The following SYNJ1 variants were observed in gnomAD, a reference collection of about 807,000 sequenced individuals.
SYNJ1 encodes synaptojanin 1.
SYNJ1 carries 78 observed loss-of-function variants against 168.2 expected under a neutral mutation model. The observed-to-expected ratio is 0.46, with a 90% CI of 0.39 to 0.56. The LOEUF is 0.56. Among genes scored for constraint, SYNJ1 ranks in the 20% least tolerant of loss-of-function variants. The pLI is 0.00. For missense variants in SYNJ1, 1,303 were observed against 1,597.6 expected (o/e 0.82, Z 3.14); for synonymous variants, 539 against 548.6 (o/e 0.98, Z 0.24).
intron 9 of SYNJ1, 130 bp from the exon 10 acceptor site, chr21:32,684,249 T>G (rs530875581): frequency 1.3e-6 from 1 of 761,360 alleles, no homozygotes; most frequent in African/African-American, 1.8e-5. Flanking sequence ...AGTATTCAAA[T>G]ATACAAAAAA....
intron 2 of SYNJ1, among the ~76,000 whole-genome samples, chr21:32,712,367 A>G (rs1252579681): frequency 1.3e-5 from 2 of 152,216 alleles, no homozygotes; most frequent in Non-Finnish European, 2.9e-5. Flanking sequence ...TCATTCATCC[A>G]AGATCACATA....
Position 32,666,589 on chromosome 21 carries a change from A to C in SYNJ1, c.1812-16T>G, listed in dbSNP as rs1165805994. 6.3e-6 allele frequency: 10 copies of C among 1,598,842 alleles called. No homozygotes were observed. ...ATTTGTTGTGCTACAAGAAAATATT[A>C]AAAAGAGAATTTTTTAAAAAGGTAT... On this transcript the variant is annotated splice_polypyrimidine_tract_variant and intron_variant, in intron 15 of 32. Coordinates refer to ENST00000674351, the MANE Select transcript of SYNJ1 (RefSeq NM_203446.3).
chr21:32,681,366 A>G (rs1423983256), intron 11 of SYNJ1, 130 bp downstream of exon 11: 1 of 1,055,790 alleles, frequency 9.5e-7, no homozygotes, highest in South Asian at 2.1e-5. Flanking sequence ...GCATAAAAGC[A>G]CATTAAACAG....
At chr21:32,691,290 T>C (rs975074782) in intron 6 of SYNJ1, among the ~76,000 whole-genome samples, 3 of 152,194 alleles carry the variant, frequency 2.0e-5, no homozygotes, top group Admixed American at 6.5e-5. Context: ...AGCACCTCGC[T>C]CTTATCTTTC....
In SYNJ1 at chr21:32,662,941, C is replaced by T. The variant is rs143521352; in HGVS notation, c.2304+1972G>A. ...AATCAATGGGGCTGGACTGGATCCT[C>T]GAGTAAATATCTTAGTTCGAGGAGA... On this transcript the variant is annotated intron_variant, in intron 18 of 32. Transcript: ENST00000674351. Among the ~76,000 whole-genome samples, 379 of 152,242 alleles carry T rather than the reference C, an allele frequency of 2.5e-3. 1 individual carries two copies. Among genetic ancestry groups the T allele is most frequent in the African/African-American group, 8.8e-3 (367 of 41,542 alleles).
chr21:32,703,731 ATT>A (rs1234957308), intron 2 of SYNJ1, among the ~76,000 whole-genome samples: 4 of 151,806 alleles, frequency 2.6e-5, no homozygotes, highest in African/African-American at 9.7e-5. Flanking sequence ...TTTTATTTTT[ATT>A]TTTATTTTTT....
intron 22 of SYNJ1, among the ~76,000 whole-genome samples, chr21:32,652,274 C>T (rs1021691741): frequency 5.3e-5 from 8 of 151,480 alleles, no homozygotes; most frequent in Non-Finnish European, 1.2e-4. Flanking sequence ...AATCTCGGCT[C>T]GCTGCAACCT....
At chr21:32,702,721 C>T (rs2042451517) in intron 2 of SYNJ1, among the ~76,000 whole-genome samples, 1 of 152,210 alleles carries the variant, frequency 6.6e-6, no homozygotes, top group Non-Finnish European at 1.5e-5. Flanking sequence ...ACCTTCCTTT[C>T]CTTCCAGGTT....
chr21:32,668,357 C>A (rs907400924), intron 15 of SYNJ1, among the ~76,000 whole-genome samples: 5 of 152,134 alleles, frequency 3.3e-5, no homozygotes, highest in African/African-American at 1.2e-4. Flanking sequence ...CATGAGCCAC[C>A]ACACCCAGCC....
At chr21:32,633,116 T>A (rs572293627) in intron 32 of SYNJ1, among the ~76,000 whole-genome samples, 3 of 152,212 alleles carry the variant, frequency 2.0e-5, no homozygotes, top group Non-Finnish European at 4.4e-5. Flanking sequence ...ACACTATTAG[T>A]AACCAAATGC....
In SYNJ1 at chr21:32,628,950, G is replaced by C. The variant is rs1046111849; in HGVS notation, c.*2855C>G. On this transcript the variant is annotated 3_prime_UTR_variant, in exon 33 of 33. Coordinates refer to ENST00000674351, the MANE Select transcript of SYNJ1 (RefSeq NM_203446.3). ...ATATAGAGAACACAGAGTTCACAAA[G>C]AGATCCTTAGTGTCTAACTTCTGCT... 6.6e-6 allele frequency: 1 copy of C among 152,600 alleles called. No individual in the cohort carries two copies. The highest frequency in any genetic ancestry group is 6.5e-5 in the Admixed American group (1 of 15,278). The allele number at this position is 152,600 out of a possible 1,614,324, so 9.5% of individuals were successfully genotyped here.
At chr21:32,665,137 T>C in intron 17 of SYNJ1, 66 bp from the exon 18 acceptor site, 1 of 1,476,982 alleles carries the variant, frequency 6.8e-7, no homozygotes, top group South Asian at 1.3e-5. Context: ...TTACAACTAT[T>C]TCTTTGCCTG....
At chr21:32,715,646 T>C in intron 2 of SYNJ1, among the ~76,000 whole-genome samples, 1 of 152,278 alleles carries the variant, frequency 6.6e-6, no homozygotes, top group Middle Eastern at 3.4e-3. Context: ...TAAATATTTA[T>C]TGCTAAGAGC....
chr21:32,723,071 G>T (rs1190468544), intron 2 of SYNJ1, among the ~76,000 whole-genome samples: 5 of 152,210 alleles, frequency 3.3e-5, no homozygotes, highest in African/African-American at 1.2e-4. Flanking sequence ...TGTAAAAGCT[G>T]CCCAGGTGAC....
At chr21:32,697,777 G>A (rs2042262835) in intron 4 of SYNJ1, among the ~76,000 whole-genome samples, 1 of 152,198 alleles carries the variant, frequency 6.6e-6, no homozygotes, top group Non-Finnish European at 1.5e-5. Flanking sequence ...CTCCAGCCTG[G>A]GCGACAGAGT....
intron 10 of SYNJ1, among the ~76,000 whole-genome samples, chr21:32,682,607 G>C (rs2041667658): frequency 6.6e-6 from 1 of 152,076 alleles, no homozygotes; most frequent in African/African-American, 2.4e-5. Context: ...CTTTCTTCAA[G>C]GAACTGGGCA....
At chr21:32,684,725 G>C (rs569119277) in intron 9 of SYNJ1, among the ~76,000 whole-genome samples, 102 of 152,204 alleles carry the variant, frequency 6.7e-4, no homozygotes, top group African/African-American at 2.3e-3. Context: ...ATATTAAAAC[G>C]TAAGTTTTAA....
At chr21:32,639,847 T>A in intron 29 of SYNJ1, 68 bp from the exon 30 acceptor site, 1 of 1,357,640 alleles carries the variant, frequency 7.4e-7, no homozygotes, top group Non-Finnish European at 1.0e-6. Context: ...TGTGAAAACA[T>A]TTGCTTTTGC....
Position 32,678,783 on chromosome 21 carries a change from A to T in SYNJ1, c.1372T>A (p.Ser458Thr), listed in dbSNP as rs1242284052. 1 of 1,610,392 alleles carries T rather than the reference A, an allele frequency of 6.2e-7. No homozygotes were observed. Among genetic ancestry groups the T allele is most frequent in the Non-Finnish European group, 8.5e-7 (1 of 1,179,014 alleles). ...GKAKLKDGAR[S>T]VTRTIQNNFF... Reference sequence around the variant, plus strand: ...TTATTCTGAATTGTTCGGGTAACAGAGCGAGCACCATCTTTTAACTTTCCA... The same window carrying T: ...TTATTCTGAATTGTTCGGGTAACAGTGCGAGCACCATCTTTTAACTTTCCA... Residue 458 changes from serine to threonine, a missense_variant, in exon 12 of 33, where the codon TCT becomes ACT. This residue lies in a region of SYNJ1 where 920 missense variants were observed against 1,208.8 expected (regional missense o/e 0.76). Transcript: ENST00000674351.
Sources: allele counts gnomAD v4.1 joint callset (sites outside exome capture counted in the v4.1 genomes callset), GRCh38; gene constraint gnomAD v4.1.1; regional missense constraint gnomAD v4.1.1; transcripts MANE v1.5; gene names NCBI Gene and HGNC (gene_info 2026-07-23, HGNC 2026-07-21).